The following KLF8 variants were observed in gnomAD, a reference collection of about 807,000 sequenced individuals.
KLF8 encodes Krueppel-like factor 8.
In KLF8, 10 loss-of-function variants were observed where a neutral mutation model predicts 18.2. The observed-to-expected ratio is 0.55, with a 90% CI of 0.34 to 0.93. KLF8 has a LOEUF of 0.93. Among genes scored for constraint, KLF8 ranks in the 40% least tolerant of loss-of-function variants. The pLI, the probability that KLF8 is intolerant of heterozygous loss-of-function variation, is 0.02. For missense variants in KLF8, 264 were observed against 277.9 expected (o/e 0.95, Z 0.36); for synonymous variants, 109 against 97.3 (o/e 1.12, Z -0.71).
chrX:56,265,724 A>G lies in KLF8; in HGVS notation c.626A>G (p.Asp209Gly), dbSNP rs2066963908. Residue 209 changes from aspartate to glycine, a missense_variant, in exon 3 of 6, where the codon GAT (aspartate) becomes GGT (glycine). Transcript: ENST00000468660. ...ATTACAGTCCCACTCATTGGAGGAG[A>G]TGGTAAAAATGCTGGATCAGGTAAG... is the stretch of plus-strand genomic sequence containing the variant. Reference protein sequence around the residue: ...AAITVPLIGGDGKNAGSVKVD... With the variant: ...AAITVPLIGGGGKNAGSVKVD... 1 of 1,201,038 alleles carries G rather than the reference A, an allele frequency of 8.3e-7. No homozygotes were observed. The highest frequency in any genetic ancestry group is 1.8e-5 in the South Asian group (1 of 56,809).
chrX:56,173,089 A>G, the KLF8 span, among the ~76,000 whole-genome samples: 37 of 111,359 alleles, frequency 3.3e-4, 1 homozygote, highest in Admixed American at 1.6e-3. Context: ...GCTGTGTAGA[A>G]GCTCTTGAGT....
At chrX:56,085,464 G>A in the KLF8 span, among the ~76,000 whole-genome samples, 5 of 111,697 alleles carry the variant, frequency 4.5e-5, no homozygotes, top group South Asian at 1.5e-3. Context: ...GCTCAGTTAA[G>A]TAGAGAAAGC....
chrX:56,248,033 AC>A (rs375968393), intron 1 of KLF8, among the ~76,000 whole-genome samples: 19 of 111,576 alleles, frequency 1.7e-4, no homozygotes, highest in African/African-American at 6.2e-4. Flanking sequence ...CTGTGACATT[AC>A]AGCGGGTATG....
the KLF8 span, among the ~76,000 whole-genome samples, chrX:56,070,914 C>T: frequency 8.9e-6 from 1 of 112,440 alleles, no homozygotes; most frequent in Non-Finnish European, 1.9e-5. Context: ...CCTATTATGG[C>T]ACAGACTGTA....
chrX:56,137,780 A>C, the KLF8 span, among the ~76,000 whole-genome samples: 1 of 83,792 alleles, frequency 1.2e-5, no homozygotes, highest in Non-Finnish European at 2.1e-5. Context: ...ACAAAGAAAC[A>C]AAAAAAAAAG....
the KLF8 span, among the ~76,000 whole-genome samples, chrX:55,941,639 T>A: frequency 9.0e-6 from 1 of 111,225 alleles, no homozygotes; most frequent in African/African-American, 3.3e-5. Context: ...AGGGCTAATA[T>A]CCAGAATCTA....
chrX:56,103,714 G>A, the KLF8 span, among the ~76,000 whole-genome samples: 1 of 111,025 alleles, frequency 9.0e-6, no homozygotes, highest in Non-Finnish European at 1.9e-5. Context: ...TCTTTCTCCT[G>A]CCTGATTGCC....
the KLF8 span, among the ~76,000 whole-genome samples, chrX:55,925,152 C>CA: frequency 1.0e-5 from 1 of 97,692 alleles, no homozygotes; most frequent in African/African-American, 3.7e-5. Flanking sequence ...TGAGCCACCA[C>CA]ACCCGGCCTG....
intron 5 of KLF8, among the ~76,000 whole-genome samples, chrX:56,278,012 G>A (rs149779187): frequency 1.3e-3 from 147 of 112,439 alleles, no homozygotes; most frequent in African/African-American, 4.5e-3. Context: ...TCAGCTTATC[G>A]TGAATGCTGC....
chrX:56,080,084 G>A, the KLF8 span, among the ~76,000 whole-genome samples: 1 of 110,766 alleles, frequency 9.0e-6, no homozygotes, highest in East Asian at 2.8e-4. Flanking sequence ...CACCCTGATG[G>A]GTCTTGACTC....
chrX:55,945,044 T>C, the KLF8 span, among the ~76,000 whole-genome samples: 25 of 111,792 alleles, frequency 2.2e-4, no homozygotes, highest in East Asian at 6.7e-3. Context: ...TTGTTCTCGT[T>C]GGTTTCAAAG....
chrX:55,924,252 AT>A, the KLF8 span, among the ~76,000 whole-genome samples: 1 of 109,814 alleles, frequency 9.1e-6, no homozygotes, highest in African/African-American at 3.3e-5. Context: ...TTTTATTTTT[AT>A]TTTTTAGTAG....
chrX:56,230,160 C>T (rs2066390298), upstream of KLF8, among the ~76,000 whole-genome samples: 1 of 112,119 alleles, frequency 8.9e-6, no homozygotes, highest in Non-Finnish European at 1.9e-5. Context: ...TAAGGCACAC[C>T]CACTGTATTC....
the KLF8 span, among the ~76,000 whole-genome samples, chrX:56,187,144 AAAG>A: frequency 9.0e-6 from 1 of 111,705 alleles, no homozygotes; most frequent in Non-Finnish European, 1.9e-5. Context: ...ATAAAGAAGA[AAAG>A]AGAGAAGAAT....
the KLF8 span, among the ~76,000 whole-genome samples, chrX:56,189,540 A>G: frequency 9.0e-6 from 1 of 111,209 alleles, no homozygotes. Context: ...AAAGGACTAT[A>G]AATCATGCTG....
At chrX:56,114,316 G>T in the KLF8 span, among the ~76,000 whole-genome samples, 1 of 112,623 alleles carries the variant, frequency 8.9e-6, no homozygotes, top group Non-Finnish European at 1.9e-5. Flanking sequence ...GCCCCTGGGC[G>T]CAATGTTAGC....
chrX:56,033,767 G>C, the KLF8 span, among the ~76,000 whole-genome samples: 1 of 111,603 alleles, frequency 9.0e-6, no homozygotes, highest in Admixed American at 9.4e-5. Flanking sequence ...TAGTAATGCT[G>C]AACATTTTTT....
chrX:56,097,786 TAGAGGAG>T, the KLF8 span, among the ~76,000 whole-genome samples: 1 of 103,097 alleles, frequency 9.7e-6, no homozygotes, highest in Non-Finnish European at 2.0e-5. Context: ...AACTAGAAAA[TAGAGGAG>T]AATTTTGTTA....
chrX:56,268,983 A>C, intron 3 of KLF8: 1 of 913,481 alleles, frequency 1.1e-6, no homozygotes, highest in Non-Finnish European at 1.4e-6. Context: ...GACAGCCAGG[A>C]GCTATTCAGT....
Sources: allele counts gnomAD v4.1 joint callset (sites outside exome capture counted in the v4.1 genomes callset), GRCh38; gene constraint gnomAD v4.1.1; transcripts MANE v1.5; gene names NCBI Gene and HGNC (gene_info 2026-07-23, HGNC 2026-07-21).